OSGIN2: variants seen among roughly 807,000 people sequenced by gnomAD.
OSGIN2 encodes oxidative stress-induced growth inhibitor 2.
In OSGIN2, 19 loss-of-function variants were observed where a neutral mutation model predicts 53.8. The ratio of observed to expected loss-of-function variants is 0.35; its 90% CI spans 0.25 to 0.52. The LOEUF (loss-of-function observed/expected upper bound fraction) is 0.52, where lower values mean the gene tolerates loss of function less well. Among genes scored for constraint, OSGIN2 ranks in the 20% least tolerant of loss-of-function variants. The probability of loss-of-function intolerance (pLI) is 0.95; values close to 1 mark genes in which losing one functional copy is unlikely to be tolerated. For synonymous variants in OSGIN2, 236 were observed against 236.0 expected (o/e 1.00, Z 0.00); for missense variants, 520 against 662.7 (o/e 0.78, Z 2.36).
intron 4 of OSGIN2, among the ~76,000 whole-genome samples, chr8:89,920,554 C>T (rs189089913): frequency 6.6e-6 from 1 of 152,104 alleles, no homozygotes; most frequent in South Asian, 2.1e-4. Context: ...ATTTCTGTAT[C>T]CTTAAGAAGA....
At chr8:89,918,709 C>CT (rs2130707596) in intron 4 of OSGIN2, among the ~76,000 whole-genome samples, 1 of 152,328 alleles carries the variant, frequency 6.6e-6, no homozygotes, top group Non-Finnish European at 1.5e-5. Flanking sequence ...CTAAAACTAA[C>CT]TATCTTTATC....
chr8:89,925,194 C>G lies in OSGIN2; in HGVS notation c.1312C>G (p.Leu438Val), dbSNP rs746677066. The change falls in exon 6 of 6, where the codon CTC (leucine) becomes GTC (valine). Residue 438 changes from leucine (L) to valine (V), a missense_variant. By Grantham distance (32) the Leu-to-Val change is conservative. Transcript: ENST00000451899. ...LSFKSDMKCV[L>V]QSVSGLKKIF... The stretch of plus-strand genomic sequence containing the variant: ...CTTTAAGTCGGACATGAAATGTGTT[C>G]TCCAAAGCGTTTCTGGATTGAAGAA... The G allele has an allele frequency of 5.6e-6, 9 of 1,614,052 alleles. No individual in the cohort carries two copies. The highest frequency in any genetic ancestry group is 6.8e-6 in the Non-Finnish European group (8 of 1,179,962).
At chr8:89,916,816 C>T (rs1459429953) in intron 4 of OSGIN2, among the ~76,000 whole-genome samples, 1 of 152,198 alleles carries the variant, frequency 6.6e-6, no homozygotes, top group African/African-American at 2.4e-5. Context: ...CCTAAAGATA[C>T]CATTCCCACT....
chr8:89,902,815 T>G lies in OSGIN2; in HGVS notation c.22T>G (p.Cys8Gly). 3 of 1,370,138 alleles carry G rather than the reference T, an allele frequency of 2.2e-6. No individual in the cohort carries two copies. Among genetic ancestry groups the G allele is most frequent in the Non-Finnish European group, 2.9e-6 (3 of 1,041,646 alleles). 84.9% of individuals were successfully genotyped at this position (1,370,138 alleles called of 1,614,324 possible). A position where few individuals can be genotyped will look rare whatever the true frequency, so the allele number is the denominator to read the frequency against. MPVWCCR[C>G]SLAGHFRNYS... is the part of the protein sequence containing the mutation. ...CTCCATGCCCGTGTGGTGCTGCCGC[T>G]GCTCCCTGGCCGGTCATTTCAGGTG... The change falls in exon 1 of 6, where the codon TGC becomes GGC. Residue 8 changes from cysteine (C) to glycine (G), a missense_variant. Physicochemically the swap from Cys to Gly is radical, Grantham distance 159 (BLOSUM62 -3). Transcript: ENST00000451899.
intron 2 of OSGIN2, 64 bp downstream of exon 2, chr8:89,909,785 A>G (rs765919000): frequency 1.6e-4 from 160 of 1,028,022 alleles, no homozygotes; most frequent in Admixed American, 4.6e-4. Context: ...TTATAAATCT[A>G]CAGTTAGTAC....
intron 1 of OSGIN2, among the ~76,000 whole-genome samples, chr8:89,907,856 A>G (rs1057266447): frequency 6.6e-6 from 1 of 152,184 alleles, no homozygotes; most frequent in Non-Finnish European, 1.5e-5. Flanking sequence ...GGCAGTTTGT[A>G]TGAATTTGCA....
intron 1 of OSGIN2, among the ~76,000 whole-genome samples, chr8:89,904,528 A>ATT (rs199636091): frequency 0.04 from 5,872 of 148,544 alleles, 165 homozygotes; most frequent in South Asian, 0.1. Flanking sequence ...TGTCTAAAGT[A>ATT]TTTTTTTTTT....
intron 2 of OSGIN2, among the ~76,000 whole-genome samples, chr8:89,912,996 A>G (rs1809002157): frequency 6.6e-6 from 1 of 152,176 alleles, no homozygotes; most frequent in South Asian, 2.1e-4. Context: ...AGAGTCAGAC[A>G]GTCATCAGAA....
intron 1 of OSGIN2, among the ~76,000 whole-genome samples, chr8:89,907,185 A>G (rs1808856923): frequency 6.6e-6 from 1 of 152,206 alleles, no homozygotes; most frequent in South Asian, 2.1e-4. Context: ...ATAGTTTGCA[A>G]AAATTTTCTC....
chr8:89,918,033 T>A (rs1288024522), intron 4 of OSGIN2, among the ~76,000 whole-genome samples: 1 of 152,232 alleles, frequency 6.6e-6, no homozygotes, highest in African/African-American at 2.4e-5. Context: ...GAGTTACCTA[T>A]ACATACTTCT....
chr8:89,922,708 G>T (rs559275433), intron 5 of OSGIN2, among the ~76,000 whole-genome samples: 1 of 152,246 alleles, frequency 6.6e-6, no homozygotes, highest in African/African-American at 2.4e-5. Flanking sequence ...AAATGGAGAT[G>T]ATAATACAGC....
chr8:89,914,328 AT>A, intron 3 of OSGIN2, 115 bp downstream of exon 3: 1 of 731,144 alleles, frequency 1.4e-6, no homozygotes, highest in Non-Finnish European at 2.2e-6. Context: ...ACCTTATATC[AT>A]TTTTATTTTA....
At position 89,903,408 on chromosome 8, in the gene OSGIN2, T is replaced by C. The variant is rs1033636388; in HGVS notation, c.44+571T>C. ...ATAATACATTTCTAAAATAAAAGTA[T>C]GTTTTCTAGATCTAGCACATTTGGT... On this transcript the variant is annotated intron_variant, in intron 1 of 5. Coordinates refer to ENST00000451899, the MANE Select transcript of OSGIN2 (RefSeq NM_001126111.3). Among the ~76,000 whole-genome samples, 3 of 152,224 alleles carry C rather than the reference T, an allele frequency of 2.0e-5. No individual in the cohort carries two copies. The East Asian group carries it at 5.8e-4, about 29-fold the overall frequency.
At chr8:89,921,197 C>A (rs1346751490) in intron 5 of OSGIN2, 26 bp downstream of exon 5, 2 of 1,316,390 alleles carry the variant, frequency 1.5e-6, no homozygotes, top group Non-Finnish European at 2.1e-6. Flanking sequence ...TATTAAAATT[C>A]TTTGGTGTAC....
chr8:89,911,779 A>C (rs1313595074), intron 2 of OSGIN2, among the ~76,000 whole-genome samples: 2 of 147,434 alleles, frequency 1.4e-5, no homozygotes, highest in East Asian at 4.1e-4. Context: ...CTAAAAATAC[A>C]AAAAATTAGC....
intron 3 of OSGIN2, 21 bp from the exon 4 acceptor site, chr8:89,914,534 G>C: frequency 6.3e-7 from 1 of 1,594,090 alleles, no homozygotes; most frequent in East Asian, 2.2e-5. Context: ...TTCAAACTCT[G>C]TCTCCCTTTT....
chr8:89,902,850 C>CCGAGGATGGGAGGGGAGCAGG lies in OSGIN2; in HGVS notation c.44+15_44+16insAGGATGGGAGGGGAGCAGGCG. ...CCGGTCATTTCAGGTGACTTCCTCG[C>CCGAGGATGGGAGGGGAGCAGG]CGGGGATGGGAGGGGAGCAGGCGGG... is the stretch of plus-strand genomic sequence containing the variant. On this transcript the variant is annotated intron_variant, in intron 1 of 5. Coordinates refer to ENST00000451899, the MANE Select transcript of OSGIN2 (RefSeq NM_001126111.3). 1 of 1,377,714 alleles carries CCGAGGATGGGAGGGGAGCAGG rather than the reference C, an allele frequency of 7.3e-7. No individual in the cohort carries two copies. Among genetic ancestry groups the CCGAGGATGGGAGGGGAGCAGG allele is most frequent in the Non-Finnish European group, 9.6e-7 (1 of 1,045,122 alleles). 85.3% of individuals were successfully genotyped at this position (1,377,714 alleles called of 1,614,324 possible). A position where few individuals can be genotyped will look rare whatever the true frequency, so the allele number is the denominator to read the frequency against.
chr8:89,926,215 T>G lies in OSGIN2; in HGVS notation c.*683T>G, dbSNP rs1345131961. The G allele has an allele frequency of 6.6e-6, 1 of 152,374 alleles. No individual in the cohort carries two copies. The highest frequency in any genetic ancestry group is 2.4e-5 in the African/African-American group (1 of 41,458). The allele number at this position is 152,374 out of a possible 1,614,324, so 9.4% of individuals were successfully genotyped here. A position where few individuals can be genotyped will look rare whatever the true frequency, so the allele number is the denominator to read the frequency against. ...AAATAGGGTCTTTTAAAAAATATTT[T>G]TATCGTTGAAACCTTGACAGGTACT... is the stretch of plus-strand genomic sequence containing the variant. On this transcript the variant is annotated 3_prime_UTR_variant, in exon 6 of 6. Coordinates refer to ENST00000451899, the MANE Select transcript of OSGIN2 (RefSeq NM_001126111.3).
At position 89,914,216 on chromosome 8, in the gene OSGIN2, ATTAT is replaced by A; in HGVS notation, c.336+6_336+9del. The A allele has an allele frequency of 6.3e-7, 1 of 1,578,498 alleles. No individual in the cohort carries two copies. The highest frequency in any genetic ancestry group is 8.6e-7 in the Non-Finnish European group (1 of 1,162,040). On this transcript the variant is annotated splice_donor_5th_base_variant and intron_variant, in intron 3 of 5. Coordinates refer to ENST00000451899, the MANE Select transcript of OSGIN2 (RefSeq NM_001126111.3). ...GACATCTTTCCATTGTTGATCAGGT[ATTAT>A]TTCTTACATGTCAATTTAAAAAATT...
Sources: gnomAD v4.1 joint callset for allele counts (sites outside exome capture counted in the v4.1 genomes callset) on GRCh38, gnomAD v4.1.1 for gene constraint, MANE v1.5 for transcripts, NCBI Gene and HGNC (gene_info 2026-07-23, HGNC 2026-07-21) for gene names.